Variants in ANKMY2 observed in about 807,000 individuals in gnomAD.
ANKMY2 encodes ankyrin repeat and MYND domain-containing protein 2.
Under a neutral mutation model 50.4 loss-of-function variants are expected in ANKMY2, and 36 were observed. The ratio of observed to expected loss-of-function variants is 0.71; its 90% CI spans 0.55 to 0.94. ANKMY2 has a LOEUF of 0.94. Among genes scored for constraint, ANKMY2 ranks in the 40% least tolerant of loss-of-function variants. The pLI is 0.00. For missense variants in ANKMY2, 565 were observed against 524.0 expected (o/e 1.08, Z -0.76); for synonymous variants, 187 against 178.8 (o/e 1.05, Z -0.36).
chr7:16,636,690 T>A (rs1035376383), intron 1 of ANKMY2, among the ~76,000 whole-genome samples: 17 of 152,182 alleles, frequency 1.1e-4, no homozygotes, highest in African/African-American at 3.9e-4. Context: ...TTCACTGACC[T>A]TAAAGTATAT....
chr7:16,615,288 G>A (rs954798011), intron 5 of ANKMY2, among the ~76,000 whole-genome samples: 4 of 152,116 alleles, frequency 2.6e-5, no homozygotes, highest in South Asian at 2.1e-4. Context: ...CCAGGCCCCC[G>A]GGGCTCTCAG....
intron 2 of ANKMY2, among the ~76,000 whole-genome samples, chr7:16,629,607 CATGTGT>C (rs1781551957): frequency 6.6e-6 from 1 of 151,840 alleles, no homozygotes. Flanking sequence ...CTCTTTTTGT[CATGTGT>C]ATAATACAGT....
chr7:16,644,561 G>C (rs959047363), intron 1 of ANKMY2: 7 of 360,608 alleles, frequency 1.9e-5, no homozygotes, highest in Non-Finnish European at 2.8e-5. Context: ...TCTGCCATTC[G>C]AGGACAAACA....
intron 1 of ANKMY2, among the ~76,000 whole-genome samples, chr7:16,636,854 G>A (rs1483934575): frequency 6.6e-6 from 1 of 152,204 alleles, no homozygotes; most frequent in Non-Finnish European, 1.5e-5. Context: ...AATGCAGTCA[G>A]TATTTATATA....
rs866727867 is a variant in ANKMY2, at chr7:16,618,755, T to C, written c.371-2851A>G. ...GAAAAATGACATTCAACCAAGCAAA[T>C]CTAATGCAAGTGGGTTATGAACACA... is the stretch of plus-strand genomic sequence containing the variant. On this transcript the variant is annotated intron_variant, in intron 4 of 9. Coordinates refer to ENST00000306999, the MANE Select transcript of ANKMY2 (RefSeq NM_020319.3). Among the ~76,000 whole-genome samples the C allele has an allele frequency of 2.0e-4, 31 of 152,208 alleles. 1 individual carries two copies. In the South Asian group the frequency reaches 3.9e-3, roughly 19 times the overall value.
intron 7 of ANKMY2, among the ~76,000 whole-genome samples, chr7:16,607,032 G>A (rs547988662): frequency 3.8e-4 from 58 of 152,262 alleles, no homozygotes; most frequent in Admixed American, 1.4e-3. Context: ...CGGGGAAAAG[G>A]TTGGGCATCA....
Position 16,618,573 on chromosome 7 carries a change from T to C in ANKMY2, c.371-2669A>G, listed in dbSNP as rs578027583. Reference sequence around the variant, plus strand: ...ACCAGAACACCCAATTTCTTTCTTTTTGGGGGGATTCGGGGAGGTGGGTAT... The same window carrying C: ...ACCAGAACACCCAATTTCTTTCTTTCTGGGGGGATTCGGGGAGGTGGGTAT... On this transcript the variant is annotated intron_variant, in intron 4 of 9. Transcript: ENST00000306999. Among the ~76,000 whole-genome samples the C allele has an allele frequency of 8.5e-5, 13 of 152,300 alleles. No individual in the cohort carries two copies. In the South Asian group the frequency reaches 2.3e-3, roughly 27 times the overall value.
Position 16,605,090 on chromosome 7 carries a change from C to A in ANKMY2, c.883-241G>T, listed in dbSNP as rs184881332. Among the ~76,000 whole-genome samples the A allele has an allele frequency of 1.7e-3, 253 of 152,256 alleles. 6 individuals are homozygous for A. In the South Asian group the frequency reaches 0.023, roughly 14 times the overall value. On this transcript the variant is annotated intron_variant, in intron 7 of 9. Coordinates refer to ENST00000306999, the MANE Select transcript of ANKMY2 (RefSeq NM_020319.3). The stretch of plus-strand genomic sequence containing the variant: ...CCAGATAATTAAAGAGAAAAAAACA[C>A]CCTTAATCTAGAAAAAAAGTATTTT...
chr7:16,614,920 T>C (rs1781316064), intron 5 of ANKMY2, among the ~76,000 whole-genome samples: 1 of 152,248 alleles, frequency 6.6e-6, no homozygotes, highest in South Asian at 2.1e-4. Flanking sequence ...TGTAGTTTTC[T>C]GTGATGATTA....
At chr7:16,616,244 C>T (rs1005801185) in intron 4 of ANKMY2, among the ~76,000 whole-genome samples, 2 of 152,256 alleles carry the variant, frequency 1.3e-5, no homozygotes, top group African/African-American at 2.4e-5. Context: ...TCCCAGCCTA[C>T]GCAAATGATG....
intron 2 of ANKMY2, among the ~76,000 whole-genome samples, chr7:16,631,867 G>C (rs559915014): frequency 1.8e-4 from 27 of 151,944 alleles, no homozygotes; most frequent in African/African-American, 6.5e-4. Context: ...CAACCGCCTC[G>C]GCCTCCCAAA....
intron 2 of ANKMY2, among the ~76,000 whole-genome samples, chr7:16,633,266 A>G (rs1781612859): frequency 6.8e-6 from 1 of 147,914 alleles, no homozygotes; most frequent in Non-Finnish European, 1.5e-5. Flanking sequence ...TTTCCAGCTT[A>G]TCTATTTTTA....
intron 6 of ANKMY2, among the ~76,000 whole-genome samples, chr7:16,610,079 A>G: frequency 6.6e-6 from 1 of 152,208 alleles, no homozygotes; most frequent in East Asian, 1.9e-4. Context: ...TCATAGAGCC[A>G]CACCCTTCAG....
At chr7:16,628,311 T>TTAA (rs1781534068) in intron 2 of ANKMY2, among the ~76,000 whole-genome samples, 1 of 152,208 alleles carries the variant, frequency 6.6e-6, no homozygotes, top group Non-Finnish European at 1.5e-5. Flanking sequence ...CATCATCTTG[T>TTAA]TAATGCAGTA....
chr7:16,606,098 T>C (rs1007946516), intron 7 of ANKMY2, among the ~76,000 whole-genome samples: 40 of 150,960 alleles, frequency 2.6e-4, no homozygotes, highest in African/African-American at 9.2e-4. Flanking sequence ...ACTACAGGCA[T>C]GAGCCACCGC....
chr7:16,626,985 G>A, intron 3 of ANKMY2, 55 bp downstream of exon 3: 1 of 1,389,800 alleles, frequency 7.2e-7, no homozygotes, highest in South Asian at 1.5e-5. Context: ...TAGTATATAT[G>A]TACTTATAAC....
At position 16,604,803 on chromosome 7, in the gene ANKMY2, C is replaced by CCAGTGAT. The variant is rs767867521; in HGVS notation, c.922_928dup (p.Gly310AspfsTer23). On this transcript the variant is annotated frameshift_variant, in exon 8 of 10. Transcript: ENST00000306999. LOFTEE classifies it high-confidence loss of function. Reference sequence around the variant, plus strand: ...TTCCACATCCACAAAACCCACCTGGCCAGTGATGGCTTGGGTAAGGACGGA... The same window carrying CCAGTGAT: ...TTCCACATCCACAAAACCCACCTGGCCAGTGATCAGTGATGGCTTGGGTAAGGACGGA... 3 of 1,614,030 alleles carry CCAGTGAT rather than the reference C, an allele frequency of 1.9e-6. No homozygotes were observed. The highest frequency in any genetic ancestry group is 2.5e-6 in the Non-Finnish European group (3 of 1,179,922).
intron 4 of ANKMY2, among the ~76,000 whole-genome samples, chr7:16,623,145 T>C (rs1781463924): frequency 1.3e-5 from 2 of 152,056 alleles, no homozygotes; most frequent in South Asian, 4.1e-4. Context: ...ATGACAAAAA[T>C]CTTATGTATG....
chr7:16,606,403 T>C (rs111684322), intron 7 of ANKMY2, among the ~76,000 whole-genome samples: 43 of 149,738 alleles, frequency 2.9e-4, no homozygotes, highest in Middle Eastern at 6.8e-3. Flanking sequence ...CACTCCAGCC[T>C]TGGTGACAGT....
Sources: gnomAD v4.1 joint callset for allele counts (sites outside exome capture counted in the v4.1 genomes callset) on GRCh38, gnomAD v4.1.1 for gene constraint, MANE v1.5 for transcripts, NCBI Gene and HGNC (gene_info 2026-07-23, HGNC 2026-07-21) for gene names.